The following SP3 variants were observed in gnomAD, a reference collection of about 807,000 sequenced individuals.
The protein encoded by SP3 is Sp3 transcription factor.
Under a neutral mutation model 70.3 loss-of-function variants are expected in SP3, and 10 were observed. That is an observed-to-expected ratio of 0.14 (90% CI 0.09 to 0.24). The LOEUF is 0.24. Ranked by LOEUF, SP3 falls within the 10% of genes least tolerant of loss-of-function variation. The pLI, the probability that SP3 is intolerant of heterozygous loss-of-function variation, is 1.00. For synonymous variants in SP3, 402 were observed against 333.5 expected, an observed-to-expected ratio of 1.21 and a Z score of -2.24; for missense variants, 825 against 914.6, an observed-to-expected ratio of 0.90 and a Z score of 1.26.
chr2:173,961,647 A>C (rs1021619526), intron 3 of SP3, among the ~76,000 whole-genome samples: 3 of 152,252 alleles, frequency 2.0e-5, no homozygotes, highest in Admixed American at 1.3e-4. Context: ...ACTTTTCTAT[A>C]AATTTAAAAT....
chr2:173,964,118 G>C (rs936324923), intron 2 of SP3: 2 of 353,582 alleles, frequency 5.7e-6, no homozygotes, highest in African/African-American at 4.3e-5. Flanking sequence ...GCGGGCGGCG[G>C]GCTGCGCGCC....
chr2:173,931,135 A>T (rs1246974627), intron 4 of SP3, among the ~76,000 whole-genome samples: 2 of 152,226 alleles, frequency 1.3e-5, no homozygotes, highest in East Asian at 3.8e-4. Context: ...AAAACTTTAC[A>T]GCTAAAAAAT....
Position 173,918,770 on chromosome 2 carries a change from T to G in SP3, c.1655A>C (p.Glu552Ala). Residue 552 changes from glutamate (E) to alanine (A), a missense_variant, in exon 5 of 7, where the codon GAA becomes GCA. Physicochemically the swap from Glu to Ala is moderately radical, Grantham distance 107. Around this residue, in one of 4 missense-constraint regions of SP3, gnomAD observed 678 missense variants for 651.6 expected, o/e 1.04. Transcript: ENST00000310015. ...ADSPADIRIK[E>A]EEPDPEEWQL... is the part of the protein sequence containing the mutation. ...CCACTCTTCAGGATCAGGTTCTTCTTCCTTGATCCTAATATCTAAAGGGAA... is the reference window on the plus strand; with the variant it reads ...CCACTCTTCAGGATCAGGTTCTTCTGCCTTGATCCTAATATCTAAAGGGAA... 2 of 1,610,820 alleles carry G rather than the reference T, an allele frequency of 1.2e-6. No individual in the cohort carries two copies. Among genetic ancestry groups the G allele is most frequent in the East Asian group, 4.5e-5 (2 of 44,810 alleles).
intron 4 of SP3, among the ~76,000 whole-genome samples, chr2:173,919,728 GA>G: frequency 6.6e-6 from 1 of 152,212 alleles, no homozygotes; most frequent in South Asian, 2.1e-4. Context: ...CAAAGATGTG[GA>G]ACAACTGAAA....
chr2:173,926,499 C>T (rs142047275), intron 4 of SP3, among the ~76,000 whole-genome samples: 381 of 152,160 alleles, frequency 2.5e-3, no homozygotes, highest in Non-Finnish European at 5.0e-3. Flanking sequence ...TGCCAAGCAT[C>T]CTGTAGAACG....
At chr2:173,958,242 AC>A (rs1227236514) in intron 3 of SP3, among the ~76,000 whole-genome samples, 4 of 151,430 alleles carry the variant, frequency 2.6e-5, no homozygotes, top group East Asian at 1.9e-4. Context: ...TTTAAAAAAA[AC>A]AAAGTCAAAT....
At chr2:173,959,791 G>A (rs1479592274) in intron 3 of SP3, among the ~76,000 whole-genome samples, 1 of 152,130 alleles carries the variant, frequency 6.6e-6, no homozygotes, top group Non-Finnish European at 1.5e-5. Context: ...ATTAAAACAG[G>A]CAACCAAGAC....
At chr2:173,912,324 G>C (rs1689509030) in intron 6 of SP3, among the ~76,000 whole-genome samples, 1 of 152,200 alleles carries the variant, frequency 6.6e-6, no homozygotes, top group Non-Finnish European at 1.5e-5. Flanking sequence ...ACCTAATAGG[G>C]AACTTGGATT....
intron 4 of SP3, among the ~76,000 whole-genome samples, chr2:173,944,919 C>A (rs1210604817): frequency 6.6e-6 from 1 of 152,184 alleles, no homozygotes; most frequent in Non-Finnish European, 1.5e-5. Context: ...GAGTTTGAGA[C>A]CAGCCTGGCC....
In SP3 at chr2:173,953,350, G is replaced by A. The variant is rs146029583; in HGVS notation, c.1639+1523C>T. ...GAAGGACCTCTGAGAGGGTCTCAGG[G>A]ATATCCAATGGTCCACAGATCACAT... is the stretch of plus-strand genomic sequence containing the variant. On this transcript the variant is annotated intron_variant, in intron 4 of 6. Transcript: ENST00000310015. 4.2e-3 allele frequency among the ~76,000 whole-genome samples: 633 copies of A among 152,328 alleles called. 1 individual carries two copies. The highest frequency in any genetic ancestry group is 0.014 in the African/African-American group (593 of 41,576).
At chr2:173,964,272 G>C in intron 2 of SP3, 133 bp downstream of exon 2, 1 of 513,868 alleles carries the variant, frequency 1.9e-6, no homozygotes, top group Non-Finnish European at 3.4e-6. Context: ...GGCAGCTCCC[G>C]GGGCGGGGGG....
chr2:173,941,206 T>C (rs1198407923), intron 4 of SP3, among the ~76,000 whole-genome samples: 1 of 151,910 alleles, frequency 6.6e-6, no homozygotes, highest in Non-Finnish European at 1.5e-5. Context: ...ACTCATGCTT[T>C]CCTCCCCAGC....
Position 173,901,695 on chromosome 2 carries a change from C to CTTTTTTTT in SP3, c.*8238_*8245dup, listed in dbSNP as rs34329180. Among the ~76,000 whole-genome samples, 4 of 74,958 alleles carry CTTTTTTTT rather than the reference C, an allele frequency of 5.3e-5. 1 individual carries two copies. Among genetic ancestry groups the CTTTTTTTT allele is most frequent in the Non-Finnish European group, 4.8e-5 (2 of 41,262 alleles). 49.2% of individuals were successfully genotyped at this position (74,958 alleles called of 152,430 possible). On this transcript the variant is annotated 3_prime_UTR_variant, in exon 7 of 7. Coordinates refer to ENST00000310015, the MANE Select transcript of SP3 (RefSeq NM_003111.5). ...GGGAAACAGTTAGTTGGACTTAAGC[C>CTTTTTTTT]TTTTTTTTTTTTTTTTTTTTTTTTG...
At chr2:173,935,058 A>G (rs11891077) in intron 4 of SP3, among the ~76,000 whole-genome samples, 1 of 152,100 alleles carries the variant, frequency 6.6e-6, no homozygotes, top group Non-Finnish European at 1.5e-5. Flanking sequence ...ACCAGCAATT[A>G]ATTCTTTCTT....
At chr2:173,950,902 C>G (rs969611751) in intron 4 of SP3, among the ~76,000 whole-genome samples, 3 of 152,102 alleles carry the variant, frequency 2.0e-5, no homozygotes, top group African/African-American at 7.2e-5. Flanking sequence ...TTTTTATTCT[C>G]ACTTGCTTTA....
At chr2:173,960,170 AAAAC>A (rs1245422070) in intron 3 of SP3, among the ~76,000 whole-genome samples, 1 of 152,250 alleles carries the variant, frequency 6.6e-6, no homozygotes, top group African/African-American at 2.4e-5. Flanking sequence ...CCTTTCTCAA[AAAAC>A]AAACAAAACA....
intron 4 of SP3, among the ~76,000 whole-genome samples, chr2:173,954,442 A>G (rs999012382): frequency 1.3e-5 from 2 of 152,182 alleles, no homozygotes; most frequent in African/African-American, 4.8e-5. Context: ...ACACCTAGCA[A>G]GTGGCTGAGG....
At chr2:173,960,013 T>A (rs1323234659) in intron 3 of SP3, among the ~76,000 whole-genome samples, 1 of 151,766 alleles carries the variant, frequency 6.6e-6, no homozygotes, top group African/African-American at 2.4e-5. Flanking sequence ...CTACAAAAAA[T>A]ACAAAAATTA....
intron 4 of SP3, among the ~76,000 whole-genome samples, chr2:173,939,901 AAG>A (rs1226651078): frequency 6.6e-6 from 1 of 151,996 alleles, no homozygotes; most frequent in Non-Finnish European, 1.5e-5. Flanking sequence ...GTTGTTTTTT[AAG>A]AGAGAGTCAC....
Sources: allele counts gnomAD v4.1 joint callset (sites outside exome capture counted in the v4.1 genomes callset), GRCh38; gene constraint gnomAD v4.1.1; regional missense constraint gnomAD v4.1.1; transcripts MANE v1.5; gene names NCBI Gene and HGNC (gene_info 2026-07-23, HGNC 2026-07-21).